PDLIM5: variants seen among roughly 807,000 people sequenced by gnomAD.
PDLIM5 encodes the protein PDZ and LIM domain 5.
A neutral mutation model predicts 64.2 loss-of-function variants in PDLIM5; 34 were observed. The ratio of observed to expected loss-of-function variants is 0.53; its 90% CI spans 0.40 to 0.71. The LOEUF is 0.71. Ranked by LOEUF, PDLIM5 falls within the 30% of genes least tolerant of loss-of-function variation. The pLI is 0.00. For synonymous variants in PDLIM5, 253 were observed against 269.1 expected (o/e 0.94, Z 0.59); for missense variants, 683 against 733.6 (o/e 0.93, Z 0.80).
At chr4:94,508,770 T>A (rs1227277451) in intron 2 of PDLIM5, among the ~76,000 whole-genome samples, 2 of 152,226 alleles carry the variant, frequency 1.3e-5, no homozygotes, top group African/African-American at 2.4e-5. Context: ...TACTGTGCTC[T>A]TTATCATTAC....
chr4:94,627,386 A>G (rs907047415), intron 8 of PDLIM5, among the ~76,000 whole-genome samples: 2 of 152,228 alleles, frequency 1.3e-5, no homozygotes, highest in Non-Finnish European at 2.9e-5. Context: ...GCAAGGCTTC[A>G]TCTGTGAAAG....
chr4:94,526,071 T>A lies in PDLIM5; in HGVS notation c.248+2196T>A, dbSNP rs925362419. On this transcript the variant is annotated intron_variant, in intron 3 of 12. Transcript: ENST00000317968. ...AAAACAAATAGAGATGATGACAGGCTGTTTTACACATTCTAAAACTGAAAG... is the reference window on the plus strand; with the variant it reads ...AAAACAAATAGAGATGATGACAGGCAGTTTTACACATTCTAAAACTGAAAG... Among the ~76,000 whole-genome samples, 6 of 152,246 alleles carry A rather than the reference T, an allele frequency of 3.9e-5. No homozygotes were observed. In the South Asian group the frequency reaches 6.2e-4, roughly 16 times the overall value.
At chr4:94,662,834 A>T (rs1260512631) in intron 12 of PDLIM5, among the ~76,000 whole-genome samples, 1 of 151,900 alleles carries the variant, frequency 6.6e-6, no homozygotes, top group African/African-American at 2.4e-5. Context: ...AAAAAAAAAA[A>T]AACCTCTGTT....
intron 2 of PDLIM5, among the ~76,000 whole-genome samples, chr4:94,511,800 A>C (rs1728905287): frequency 6.6e-6 from 1 of 152,176 alleles, no homozygotes; most frequent in African/African-American, 2.4e-5. Context: ...TGCAAATGAC[A>C]GGATCTCATT....
At chr4:94,528,455 G>A (rs933130521) in intron 3 of PDLIM5, among the ~76,000 whole-genome samples, 33 of 152,040 alleles carry the variant, frequency 2.2e-4, no homozygotes, top group African/African-American at 6.3e-4. Context: ...TAATTATTCC[G>A]TGTATATTAG....
In PDLIM5 at chr4:94,575,791, C is replaced by G. The variant is rs1040634297; in HGVS notation, c.467C>G (p.Thr156Ser). Residue 156 changes from threonine (T) to serine (S), a missense_variant, in exon 5 of 13, where the codon ACC becomes AGC. By Grantham distance (58) the Thr-to-Ser change is moderately conservative. Coordinates refer to ENST00000317968, the MANE Select transcript of PDLIM5 (RefSeq NM_006457.5). ...TCTGCCTTCACCCCAGCCCATGCGA[C>G]CACCTCATCACATGCTTCCCCTTCA... ...PSSAFTPAHA[T>S]TSSHASPSPV... 3.1e-6 allele frequency: 5 copies of G among 1,614,164 alleles called. No homozygotes were observed. The South Asian group carries it at 5.5e-5, about 18-fold the overall frequency.
At chr4:94,460,037 C>T (rs1723736743) in intron 2 of PDLIM5, among the ~76,000 whole-genome samples, 1 of 152,174 alleles carries the variant, frequency 6.6e-6, no homozygotes, top group Admixed American at 6.5e-5. Context: ...TAATTTTAAG[C>T]TCTTGAGTAT....
chr4:94,544,674 G>C (rs925126664), intron 3 of PDLIM5, among the ~76,000 whole-genome samples: 1 of 152,090 alleles, frequency 6.6e-6, no homozygotes, highest in African/African-American at 2.4e-5. Context: ...TTTAATTAAG[G>C]ATGAATTCAC....
chr4:94,606,421 C>T (rs1027822030), intron 7 of PDLIM5, among the ~76,000 whole-genome samples: 9 of 151,944 alleles, frequency 5.9e-5, no homozygotes, highest in African/African-American at 1.9e-4. Context: ...TTGGAGTTAT[C>T]CCAGTGAGGG....
chr4:94,648,732 A>G (rs960692914), intron 9 of PDLIM5, among the ~76,000 whole-genome samples: 1 of 152,192 alleles, frequency 6.6e-6, no homozygotes, highest in East Asian at 1.9e-4. Context: ...TTCCAAGCCC[A>G]CGCAGGTTGT....
At chr4:94,501,081 CT>C (rs11336334) in intron 2 of PDLIM5, among the ~76,000 whole-genome samples, 75,032 of 136,820 alleles carry the variant, frequency 0.55, 21,492 homozygotes, top group African/African-American at 0.76. Context: ...TATACCTGGC[CT>C]TTTTTTTTTT....
At chr4:94,499,847 C>T (rs577001039) in intron 2 of PDLIM5, among the ~76,000 whole-genome samples, 5 of 152,246 alleles carry the variant, frequency 3.3e-5, no homozygotes, top group East Asian at 1.9e-4. Context: ...GTGAACTGCA[C>T]GTGCAAGGGA....
chr4:94,509,962 C>T (rs1432807431), intron 2 of PDLIM5, among the ~76,000 whole-genome samples: 1 of 152,168 alleles, frequency 6.6e-6, no homozygotes, highest in Admixed American at 6.5e-5. Flanking sequence ...ATCCTTCAAT[C>T]CAATCAAGTT....
At chr4:94,533,254 T>G (rs1446032226) in intron 3 of PDLIM5, among the ~76,000 whole-genome samples, 1 of 152,206 alleles carries the variant, frequency 6.6e-6, no homozygotes, top group Non-Finnish European at 1.5e-5. Flanking sequence ...AGGATGTATT[T>G]TGTATTGTGA....
intron 7 of PDLIM5, among the ~76,000 whole-genome samples, chr4:94,599,128 A>G (rs1345244276): frequency 6.6e-6 from 1 of 152,186 alleles, no homozygotes; most frequent in Non-Finnish European, 1.5e-5. Context: ...TAGTCATAGG[A>G]GTAACATCTG....
intron 2 of PDLIM5, chr4:94,456,117 T>C (rs1723326706): frequency 1.5e-6 from 1 of 657,404 alleles, no homozygotes; most frequent in Non-Finnish European, 2.2e-6. Flanking sequence ...ATTACTATTA[T>C]ATAAGTTTCT....
At chr4:94,564,656 C>CTTTTTTTTTTTTTTTTT (rs768721210) in intron 3 of PDLIM5, among the ~76,000 whole-genome samples, 5 of 104,504 alleles carry the variant, frequency 4.8e-5, no homozygotes, top group African/African-American at 2.2e-4. Context: ...AATTTTGTCT[C>CTTTTTTTTTTTTTTTTT]TTTTTTTTTT....
chr4:94,557,324 T>C (rs951338946), intron 3 of PDLIM5, among the ~76,000 whole-genome samples: 3 of 152,232 alleles, frequency 2.0e-5, no homozygotes, highest in African/African-American at 7.2e-5. Flanking sequence ...TAGTATAGTT[T>C]GAAGTCAGGT....
intron 3 of PDLIM5, 25 bp downstream of exon 3, chr4:94,523,900 G>A (rs754724283): frequency 2.5e-6 from 4 of 1,587,590 alleles, no homozygotes; most frequent in Admixed American, 3.4e-5. Flanking sequence ...GTTTGTCCCT[G>A]AAAGAGAAAA....
Sources: gnomAD v4.1 joint callset for allele counts (sites outside exome capture counted in the v4.1 genomes callset) on GRCh38, gnomAD v4.1.1 for gene constraint, MANE v1.5 for transcripts, NCBI Gene and HGNC (gene_info 2026-07-23, HGNC 2026-07-21) for gene names.